Variants in TMEM51 observed in about 807,000 individuals in gnomAD.
TMEM51 encodes the protein transmembrane protein 51, also known as chromosome 1 open reading frame 72.
In TMEM51, 8 loss-of-function variants were observed where a neutral mutation model predicts 13.6. The ratio of observed to expected loss-of-function variants is 0.59; its 90% CI spans 0.35 to 1.07. The LOEUF (loss-of-function observed/expected upper bound fraction) is 1.07. Ranked by LOEUF, TMEM51 falls within the 50% of genes least tolerant of loss-of-function variation. TMEM51 has a pLI of 0.02. For missense variants in TMEM51, 279 were observed against 330.7 expected (o/e 0.84, Z 1.21); for synonymous variants, 147 against 144.4 (o/e 1.02, Z -0.13).
At chr1:15,195,870 T>C (rs1644037609) in intron 1 of TMEM51, among the ~76,000 whole-genome samples, 1 of 152,122 alleles carries the variant, frequency 6.6e-6, no homozygotes, top group African/African-American at 2.4e-5. Flanking sequence ...ACGTGGCTTG[T>C]GGGAAAGAAG....
upstream of TMEM51, among the ~76,000 whole-genome samples, chr1:15,153,129 A>C (rs1158461323): frequency 6.6e-6 from 1 of 152,176 alleles, no homozygotes; most frequent in Non-Finnish European, 1.5e-5. Flanking sequence ...CTCAGTTTTT[A>C]AAAACTCGCT....
At chr1:15,196,489 T>C (rs190005042) in intron 1 of TMEM51, among the ~76,000 whole-genome samples, 77 of 152,214 alleles carry the variant, frequency 5.1e-4, no homozygotes, top group South Asian at 3.1e-3. Flanking sequence ...TGAGGGAGTA[T>C]GTGGAGACTT....
intron 1 of TMEM51, among the ~76,000 whole-genome samples, chr1:15,209,894 G>C (rs970964991): frequency 2.6e-5 from 4 of 152,100 alleles, no homozygotes; most frequent in African/African-American, 9.7e-5. Context: ...AGCCAGGTGT[G>C]GGGGTGTGCG....
intron 3 of TMEM51, among the ~76,000 whole-genome samples, chr1:15,215,998 C>G (rs965555126): frequency 1.4e-4 from 22 of 152,092 alleles, no homozygotes; most frequent in African/African-American, 4.6e-4. Context: ...CGCCACTGCA[C>G]TCCAGCCTGG....
chr1:15,198,627 AGGCTG>A (rs1644095926), intron 1 of TMEM51, among the ~76,000 whole-genome samples: 1 of 152,144 alleles, frequency 6.6e-6, no homozygotes, highest in Non-Finnish European at 1.5e-5. Context: ...CATGTTGACC[AGGCTG>A]GTCTTGAACT....
Position 15,153,835 on chromosome 1 carries a change from A to C in TMEM51, c.-386A>C, listed in dbSNP as rs1222252810. The stretch of plus-strand genomic sequence containing the variant: ...CGTTCCCTCGGCTAAGAATCCCCCG[A>C]ACCCCAGCCCCGCGATCGCGGCGCC... On this transcript the variant is annotated 5_prime_UTR_variant, in exon 1 of 4. Transcript: ENST00000376008. 1 of 151,320 alleles carries C rather than the reference A, an allele frequency of 6.6e-6. No individual in the cohort carries two copies. The highest frequency in any genetic ancestry group is 2.4e-5 in the African/African-American group (1 of 41,104). The allele number at this position is 151,320 out of a possible 1,614,324, so 9.4% of individuals were successfully genotyped here.
chr1:15,157,669 C>A (rs760917386), intron 1 of TMEM51, among the ~76,000 whole-genome samples: 1 of 152,132 alleles, frequency 6.6e-6, no homozygotes, highest in Non-Finnish European at 1.5e-5. Flanking sequence ...GAGGTGTGCA[C>A]ATTGAGGAGT....
At chr1:15,219,144 A>T (rs1644473014) in intron 3 of TMEM51, among the ~76,000 whole-genome samples, 182 bp from the exon 4 acceptor site, 2 of 152,234 alleles carry the variant, frequency 1.3e-5, no homozygotes, top group African/African-American at 2.4e-5. Flanking sequence ...CATATTTGCT[A>T]AAATACTTAG....
intron 1 of TMEM51, among the ~76,000 whole-genome samples, chr1:15,169,181 G>A (rs536300958): frequency 2.8e-4 from 43 of 152,160 alleles, no homozygotes; most frequent in African/African-American, 9.2e-4. Flanking sequence ...TGAGGGAGTC[G>A]GGATTTGAAC....
At chr1:15,168,561 G>C (rs1447745338) in intron 1 of TMEM51, 1 of 1,304,622 alleles carries the variant, frequency 7.7e-7, no homozygotes, top group African/African-American at 1.5e-5. Flanking sequence ...AGGCTGTTTT[G>C]TCTTGGGCTA....
chr1:15,164,944 A>G (rs1346747000), intron 1 of TMEM51, among the ~76,000 whole-genome samples: 1 of 151,938 alleles, frequency 6.6e-6, no homozygotes, highest in Non-Finnish European at 1.5e-5. Flanking sequence ...CTGGGACTAC[A>G]GGTGCGCGCC....
intron 2 of TMEM51, among the ~76,000 whole-genome samples, chr1:15,213,982 C>G (rs1477203490): frequency 6.6e-6 from 1 of 150,420 alleles, no homozygotes; most frequent in Non-Finnish European, 1.5e-5. Flanking sequence ...GTTGGGATTA[C>G]TGGCACGTGC....
intron 1 of TMEM51, among the ~76,000 whole-genome samples, chr1:15,163,106 G>T (rs1291892228): frequency 1.3e-5 from 2 of 152,082 alleles, no homozygotes; most frequent in East Asian, 1.9e-4. Flanking sequence ...ATATCATTGC[G>T]TTCTCTCTAC....
intron 2 of TMEM51, among the ~76,000 whole-genome samples, chr1:15,212,446 C>A (rs900273789): frequency 6.6e-6 from 1 of 151,794 alleles, no homozygotes; most frequent in Non-Finnish European, 1.5e-5. Flanking sequence ...GGGGTTAAAG[C>A]GGCTCAAATC....
intron 1 of TMEM51, among the ~76,000 whole-genome samples, chr1:15,165,721 A>T (rs1642971109): frequency 6.6e-6 from 1 of 152,220 alleles, no homozygotes; most frequent in African/African-American, 2.4e-5. Flanking sequence ...TATTTGCAGC[A>T]ACAGGGAATT....
intron 3 of TMEM51, 97 bp from the exon 4 acceptor site, chr1:15,219,229 G>T (rs1644474076): frequency 5.4e-6 from 7 of 1,306,980 alleles, no homozygotes; most frequent in Non-Finnish European, 7.4e-6. Flanking sequence ...TTATTTACAA[G>T]GCTGCTGTGT....
chr1:15,200,994 C>T (rs1320211986), intron 1 of TMEM51, among the ~76,000 whole-genome samples: 2 of 152,188 alleles, frequency 1.3e-5, no homozygotes, highest in Admixed American at 6.5e-5. Flanking sequence ...ACAGGTGCCT[C>T]ACACCTGTAT....
Position 15,219,535 on chromosome 1 carries a change from A to AC in TMEM51, c.560dup (p.Asp188Ter). The AC allele has an allele frequency of 1.2e-6, 2 of 1,613,944 alleles. No individual in the cohort carries two copies. The highest frequency in any genetic ancestry group is 1.7e-6 in the Non-Finnish European group (2 of 1,179,982). Reference sequence around the variant, plus strand: ...GCTGACGTGGAGGCCAGCCCTGGGAACCCCCCTGACAGGCAGAACTCTAAG... The same window carrying AC: ...GCTGACGTGGAGGCCAGCCCTGGGAACCCCCCCTGACAGGCAGAACTCTAAG... On this transcript the variant is annotated frameshift_variant, in exon 4 of 4. Transcript: ENST00000376008. LOFTEE classifies it high-confidence loss of function.
intron 1 of TMEM51, among the ~76,000 whole-genome samples, chr1:15,181,161 G>A (rs1643603885): frequency 6.6e-6 from 1 of 152,184 alleles, no homozygotes; most frequent in South Asian, 2.1e-4. Flanking sequence ...TTTAAAATGG[G>A]AGTGCTAATA....
Sources: gnomAD v4.1 joint callset for allele counts (sites outside exome capture counted in the v4.1 genomes callset) on GRCh38, gnomAD v4.1.1 for gene constraint, MANE v1.5 for transcripts, NCBI Gene and HGNC (gene_info 2026-07-23, HGNC 2026-07-21) for gene names.